Variants in MB21D2 observed in about 807,000 individuals in gnomAD.
MB21D2 encodes the protein Mab-21 domain containing 2, also known as nucleotidyltransferase MB21D2.
Under a neutral mutation model 33.3 loss-of-function variants are expected in MB21D2, and 9 were observed. The ratio of observed to expected loss-of-function variants is 0.27; its 90% CI spans 0.16 to 0.47. The LOEUF (loss-of-function observed/expected upper bound fraction) is 0.47. Ranked by LOEUF, MB21D2 falls within the 20% of genes least tolerant of loss-of-function variation. The pLI, the probability that MB21D2 is intolerant of heterozygous loss-of-function variation, is 0.99. For synonymous variants in MB21D2, 241 were observed against 236.3 expected, an observed-to-expected ratio of 1.02 and a Z score of -0.18; for missense variants, 540 against 624.6, an observed-to-expected ratio of 0.86 and a Z score of 1.44.
At chr3:192,857,035 C>G (rs1712932683) in intron 1 of MB21D2, among the ~76,000 whole-genome samples, 1 of 152,122 alleles carries the variant, frequency 6.6e-6, no homozygotes, top group Non-Finnish European at 1.5e-5. Flanking sequence ...GAAAAAAGTA[C>G]TTGCACTTCA....
Position 192,798,505 on chromosome 3 carries a change from G to T in MB21D2, c.1357C>A (p.Arg453Ser). ...AGCTGCTGCAGTTTTTTTGCCAAAC[G>T]GTCATCAGGCTGGTTGGGGTCCCCT... ...DGGDPNQPDD[R>S]LAKKLQQLVT... The change falls in exon 2 of 2, where the codon CGT becomes AGT. Residue 453 changes from arginine to serine, a missense_variant. Arg to Ser is a moderately radical substitution (Grantham distance 110). Coordinates refer to ENST00000392452, the MANE Select transcript of MB21D2 (RefSeq NM_178496.4). This position sits in a 1 kb window ranked among gnomAD's most constrained non-coding sequence, Gnocchi z 4.8. 6.2e-7 allele frequency: 1 copy of T among 1,614,108 alleles called. No homozygotes were observed. The highest frequency in any genetic ancestry group is 8.5e-7 in the Non-Finnish European group (1 of 1,180,014).
intron 1 of MB21D2, among the ~76,000 whole-genome samples, chr3:192,841,845 T>C (rs760526563): frequency 6.6e-6 from 1 of 152,236 alleles, no homozygotes; most frequent in African/African-American, 2.4e-5. Flanking sequence ...GGGTTCTTTG[T>C]CAAAGGAACA....
At chr3:192,900,252 T>C (rs529985818) in intron 1 of MB21D2, among the ~76,000 whole-genome samples, 2 of 130,294 alleles carry the variant, frequency 1.5e-5, no homozygotes, top group Non-Finnish European at 3.1e-5. Flanking sequence ...GTCACTGCAC[T>C]CCAGCCTGGG....
rs756428305 is a variant in MB21D2, at chr3:192,838,412, T to C, written c.212-38762A>G. On this transcript the variant is annotated intron_variant, in intron 1 of 1. Transcript: ENST00000392452. ...AAAAATGGGCTCTTTGAAGTGAGTA[T>C]TAAATAATCTGTGGACTTTTTTTTT... Among the ~76,000 whole-genome samples, 36 of 150,528 alleles carry C rather than the reference T, an allele frequency of 2.4e-4. 1 individual carries two copies. In the Middle Eastern group the frequency reaches 0.017, roughly 72 times the overall value.
rs1197424559 is a variant in MB21D2, at chr3:192,877,009, C to T, written c.211+40621G>A. Among the ~76,000 whole-genome samples the T allele has an allele frequency of 3.9e-5, 6 of 152,172 alleles. No individual in the cohort carries two copies. In the East Asian group the frequency reaches 9.7e-4, roughly 25 times the overall value. ...CAGATTCTAGAACAGCGCCTGAGTC[C>T]ACAGTGAGTAATTAATACAGGCTTA... On this transcript the variant is annotated intron_variant, in intron 1 of 1. Coordinates refer to ENST00000392452, the MANE Select transcript of MB21D2 (RefSeq NM_178496.4).
chr3:192,872,402 C>T (rs976875689), intron 1 of MB21D2, among the ~76,000 whole-genome samples: 1 of 151,926 alleles, frequency 6.6e-6, no homozygotes, highest in African/African-American at 2.4e-5. Context: ...CGGTGAAAAC[C>T]CGTCTCTACT....
At chr3:192,909,936 CAAAAAAAAAAAAA>C (rs61613458) in intron 1 of MB21D2, among the ~76,000 whole-genome samples, 18 of 52,822 alleles carry the variant, frequency 3.4e-4, no homozygotes, top group African/African-American at 1.2e-3. Context: ...GACTCTGTCT[CAAAAAAAAAAAAA>C]AAAAAAAAAA....
intron 1 of MB21D2, among the ~76,000 whole-genome samples, chr3:192,875,414 G>A (rs1002161925): frequency 6.6e-6 from 1 of 152,222 alleles, no homozygotes; most frequent in Non-Finnish European, 1.5e-5. Flanking sequence ...AACCAGGATT[G>A]CCACATGGAT....
chr3:192,841,996 C>T (rs893534956), intron 1 of MB21D2, among the ~76,000 whole-genome samples: 1 of 152,094 alleles, frequency 6.6e-6, no homozygotes, highest in African/African-American at 2.4e-5. Context: ...GGATGGCAGG[C>T]CAGAGTGTCT....
intron 1 of MB21D2, among the ~76,000 whole-genome samples, chr3:192,834,113 A>C (rs547305215): frequency 6.6e-6 from 1 of 152,274 alleles, no homozygotes; most frequent in African/African-American, 2.4e-5. Flanking sequence ...TGAATGAATG[A>C]ATCGAGTTCA....
At chr3:192,828,456 C>A (rs2108619291) in intron 1 of MB21D2, among the ~76,000 whole-genome samples, 1 of 151,318 alleles carries the variant, frequency 6.6e-6, no homozygotes, top group East Asian at 2.0e-4. Flanking sequence ...CCCTGACTCA[C>A]AAGACCTAGC....
intron 1 of MB21D2, among the ~76,000 whole-genome samples, chr3:192,875,215 T>C (rs570143396): frequency 3.9e-5 from 6 of 152,170 alleles, no homozygotes; most frequent in Non-Finnish European, 8.8e-5. Flanking sequence ...TGTAATGTGT[T>C]GTGCATGCAG....
intron 1 of MB21D2, among the ~76,000 whole-genome samples, chr3:192,846,845 T>G (rs1712689161): frequency 6.6e-6 from 1 of 152,212 alleles, no homozygotes; most frequent in Non-Finnish European, 1.5e-5. Flanking sequence ...CACTTTTCTC[T>G]TATACCTGTT....
chr3:192,870,202 C>A (rs12629315), intron 1 of MB21D2, among the ~76,000 whole-genome samples: 90,250 of 151,912 alleles, frequency 0.59, 28,223 homozygotes, highest in African/African-American at 0.78. Context: ...ACACGAATCC[C>A]TAACACGGGT....
At chr3:192,815,744 C>G (rs1331876397) in intron 1 of MB21D2, among the ~76,000 whole-genome samples, 1 of 152,158 alleles carries the variant, frequency 6.6e-6, no homozygotes, top group Non-Finnish European at 1.5e-5. Context: ...TCTAACCACC[C>G]AGGTATTCAT....
At position 192,830,491 on chromosome 3, in the gene MB21D2, C is replaced by T. The variant is rs77900775; in HGVS notation, c.212-30841G>A. Reference sequence around the variant, plus strand: ...ACTCACAGCTGCAGTAATCTGCCTACCTAATAATGCATGGCTCTTATCTGC... The same window carrying T: ...ACTCACAGCTGCAGTAATCTGCCTATCTAATAATGCATGGCTCTTATCTGC... On this transcript the variant is annotated intron_variant, in intron 1 of 1. Transcript: ENST00000392452. Among the ~76,000 whole-genome samples the T allele has an allele frequency of 1.5e-3, 226 of 152,264 alleles. 1 individual carries two copies. The highest frequency in any genetic ancestry group is 5.3e-3 in the African/African-American group (221 of 41,552).
At chr3:192,860,374 C>A (rs1327182871) in intron 1 of MB21D2, among the ~76,000 whole-genome samples, 1 of 152,110 alleles carries the variant, frequency 6.6e-6, no homozygotes, top group Non-Finnish European at 1.5e-5. Context: ...TTGTTTATTT[C>A]TTTATCTATT....
chr3:192,806,212 C>G (rs1711656829), intron 1 of MB21D2, among the ~76,000 whole-genome samples: 1 of 152,304 alleles, frequency 6.6e-6, no homozygotes, highest in South Asian at 2.1e-4. Flanking sequence ...CTTTCGACAT[C>G]TACTGTCATT....
At chr3:192,873,706 T>C (rs1046810782) in intron 1 of MB21D2, among the ~76,000 whole-genome samples, 1 of 152,084 alleles carries the variant, frequency 6.6e-6, no homozygotes, top group Non-Finnish European at 1.5e-5. Context: ...TCTTTTTTTG[T>C]TTTTGTTTTT....
Sources: gnomAD v4.1 joint callset for allele counts (sites outside exome capture counted in the v4.1 genomes callset) on GRCh38, gnomAD v4.1.1 for gene constraint, Gnocchi (gnomAD v3.1) non-coding constraint, MANE v1.5 for transcripts, NCBI Gene and HGNC (gene_info 2026-07-23, HGNC 2026-07-21) for gene names.